The following HERC3 variants were observed in gnomAD, a reference collection of about 807,000 sequenced individuals.
HERC3 encodes probable E3 ubiquitin-protein ligase HERC3.
HERC3 carries 58 observed loss-of-function variants against 129.9 expected under a neutral mutation model. That is an observed-to-expected ratio of 0.45 (90% CI 0.36 to 0.56). The LOEUF (loss-of-function observed/expected upper bound fraction) is 0.56. HERC3 is among the 20% of genes least tolerant of loss of function. The pLI, the probability that HERC3 is intolerant of heterozygous loss-of-function variation, is 0.00. For missense variants in HERC3, 835 were observed against 1,244.2 expected (o/e 0.67, Z 4.95); for synonymous variants, 430 against 451.0 (o/e 0.95, Z 0.59).
intron 6 of HERC3, 118 bp downstream of exon 6, chr4:88,653,208 C>A: frequency 1.0e-6 from 1 of 974,988 alleles, no homozygotes; most frequent in Non-Finnish European, 1.6e-6. Context: ...AAGCAGTGAA[C>A]ACAATAGAGA....
chr4:88,704,564 G>A lies in HERC3; in HGVS notation c.2898G>A (p.Trp966Ter). ...SATHPTVKLFWETFHEFPLEK... is the reference protein window; with the variant it reads ...SATHPTVKLF The stretch of plus-strand genomic sequence containing the variant: ...CACATCCCACTGTAAAACTATTTTG[G>A]GAAACATTTCATGAGTTTCCATTGG... Residue 966 changes from tryptophan (W) to a stop codon, truncating the protein, a stop_gained, in exon 25 of 26, where the codon TGG (tryptophan) becomes TGA (stop). Coordinates refer to ENST00000402738, the MANE Select transcript of HERC3 (RefSeq NM_014606.3). LOFTEE classifies it high-confidence loss of function. 6.2e-7 allele frequency: 1 copy of A among 1,611,434 alleles called. No homozygotes were observed.
chr4:88,629,640 C>T (rs1172510551), intron 3 of HERC3, among the ~76,000 whole-genome samples: 1 of 152,136 alleles, frequency 6.6e-6, no homozygotes, highest in East Asian at 1.9e-4. Context: ...AAAGTTTGTA[C>T]TGATAGATAG....
At chr4:88,540,306 G>A in the HERC3 span, among the ~76,000 whole-genome samples, 1 of 152,130 alleles carries the variant, frequency 6.6e-6, no homozygotes, top group Non-Finnish European at 1.5e-5. Context: ...CACACAACAA[G>A]CTTCAATAGC....
chr4:88,619,455 C>T (rs558619038), intron 3 of HERC3, among the ~76,000 whole-genome samples: 29 of 152,248 alleles, frequency 1.9e-4, no homozygotes, highest in African/African-American at 6.5e-4. Context: ...AGACTCCCTA[C>T]CTCTCTCCAT....
the HERC3 span, among the ~76,000 whole-genome samples, chr4:88,541,473 A>G: frequency 1.2e-4 from 18 of 152,324 alleles, no homozygotes; most frequent in Middle Eastern, 3.4e-3. Flanking sequence ...AGAGACTTAG[A>G]CTCCCACACA....
chr4:88,690,104 T>C (rs1044115777), intron 23 of HERC3: 12 of 985,254 alleles, frequency 1.2e-5, no homozygotes, highest in Non-Finnish European at 1.4e-5. Context: ...AAACCTAATA[T>C]AGAGGCTAGT....
the HERC3 span, among the ~76,000 whole-genome samples, chr4:88,537,956 CCTT>C: frequency 7.9e-5 from 12 of 152,208 alleles, no homozygotes; most frequent in African/African-American, 2.9e-4. Flanking sequence ...TTGTCAAAAA[CCTT>C]CTGACAGGAA....
the HERC3 span, among the ~76,000 whole-genome samples, chr4:88,562,149 C>A: frequency 0.24 from 36,185 of 152,014 alleles, 8,143 homozygotes; most frequent in African/African-American, 0.59. Flanking sequence ...ACACCCTCAC[C>A]CCAGCATGTG....
rs746042059 is a variant in HERC3, at chr4:88,658,435, G to A, written c.1090G>A (p.Val364Ile). The change falls in exon 10 of 26, where the codon GTT becomes ATT. Residue 364 changes from valine (V) to isoleucine (I), a missense_variant. Physicochemically the swap from Val to Ile is conservative, Grantham distance 29. Transcript: ENST00000402738. ...ARADRFKYHI[V>I]KQIFSGGDQT... is the part of the protein sequence containing the mutation. ...GACAGATCGCTTTAAATATCATATC[G>A]TTAAGCAGATCTTCTCTGGAGGAGA... is the stretch of plus-strand genomic sequence containing the variant. 4 of 1,598,474 alleles carry A rather than the reference G, an allele frequency of 2.5e-6. No homozygotes were observed. The highest frequency in any genetic ancestry group is 2.2e-5 in the East Asian group (1 of 44,666).
At chr4:88,606,531 T>C (rs2149194485) in intron 3 of HERC3, among the ~76,000 whole-genome samples, 1 of 152,334 alleles carries the variant, frequency 6.6e-6, no homozygotes, top group South Asian at 2.1e-4. Flanking sequence ...TAGTCGGTTT[T>C]CACACTGCTG....
At chr4:88,676,488 T>A in intron 18 of HERC3, 65 bp downstream of exon 18, 1 of 1,124,894 alleles carries the variant, frequency 8.9e-7, no homozygotes, top group Non-Finnish European at 1.3e-6. Flanking sequence ...CATTCAGTTG[T>A]AATTTTTTCT....
Position 88,664,169 on chromosome 4 carries a change from T to G in HERC3, c.1288T>G (p.Leu430Val). 1.2e-6 allele frequency: 2 copies of G among 1,613,388 alleles called. No homozygotes were observed. The highest frequency in any genetic ancestry group is 1.7e-6 in the Non-Finnish European group (2 of 1,179,556). The stretch of plus-strand genomic sequence containing the variant: ...TTTGAGCAGTGGTGTTGTTCAGATA[T>G]TATCTTCTGCAGCCTGTTGGAATGG... The part of the protein sequence containing the change: ...ANTINGVVQI[L>V]SSAACWNGSF... The change falls in exon 12 of 26, where the codon TTA (leucine) becomes GTA (valine). Residue 430 changes from leucine (L) to valine (V), a missense_variant. Physicochemically the swap from Leu to Val is conservative, Grantham distance 32. Coordinates refer to ENST00000402738, the MANE Select transcript of HERC3 (RefSeq NM_014606.3).
At chr4:88,529,874 A>C in the HERC3 span, among the ~76,000 whole-genome samples, 3 of 152,216 alleles carry the variant, frequency 2.0e-5, no homozygotes, top group South Asian at 6.2e-4. Flanking sequence ...AAACATTACC[A>C]GTTCATAATT....
At chr4:88,643,459 G>A (rs1485570174) in intron 3 of HERC3, among the ~76,000 whole-genome samples, 1 of 152,176 alleles carries the variant, frequency 6.6e-6, no homozygotes, top group African/African-American at 2.4e-5. Context: ...TATGAATAAA[G>A]TTGAAGGAAT....
At chr4:88,702,212 TATG>T (rs1216279825) in intron 23 of HERC3, among the ~76,000 whole-genome samples, 1 of 152,192 alleles carries the variant, frequency 6.6e-6, no homozygotes, top group African/African-American at 2.4e-5. Context: ...CCATAAACAA[TATG>T]ATAATACTAG....
At position 88,704,186 on chromosome 4, in the gene HERC3, G is replaced by A. The variant is rs1401910646; in HGVS notation, c.2746G>A (p.Val916Met). 6.2e-7 allele frequency: 1 copy of A among 1,614,114 alleles called. No homozygotes were observed. The highest frequency in any genetic ancestry group is 2.2e-5 in the East Asian group (1 of 44,876). Residue 916 changes from valine (V) to methionine (M), a missense_variant, in exon 24 of 26, where the codon GTG becomes ATG. Val to Met is a conservative substitution (Grantham distance 21). Coordinates refer to ENST00000402738, the MANE Select transcript of HERC3 (RefSeq NM_014606.3). ...AGCCTTCTCTAGTGGCTTCCTAAAG[G>A]TGTGTGGTGGCAAAGTACTTGAGCT... is the stretch of plus-strand genomic sequence containing the variant. ...YTAFSSGFLK[V>M]CGGKVLELFQ... is the part of the protein sequence containing the mutation.
chr4:88,706,894 C>T lies in HERC3; in HGVS notation c.3087C>T (p.Ser1029=), dbSNP rs903919203. The change falls in exon 26 of 26, where the codon AGC becomes AGT. Residue 1029 remains serine (S), a synonymous_variant. Coordinates refer to ENST00000402738, the MANE Select transcript of HERC3 (RefSeq NM_014606.3). ...YNLLDLPKYS[S]KEILSARLTQ... is the part of the protein sequence containing the mutation. ...TTCTTGACCTCCCCAAGTACAGCAG[C>T]AAAGAGATTCTGAGTGCCCGGCTGA... 8 of 1,614,062 alleles carry T rather than the reference C, an allele frequency of 5.0e-6. No individual in the cohort carries two copies. The highest frequency in any genetic ancestry group is 5.9e-6 in the Non-Finnish European group (7 of 1,180,052).
intron 12 of HERC3, among the ~76,000 whole-genome samples, chr4:88,665,787 A>G (rs568626335): frequency 6.6e-6 from 1 of 152,294 alleles, no homozygotes; most frequent in East Asian, 1.9e-4. Flanking sequence ...ATTTACTTTT[A>G]TAATTAAGGC....
the HERC3 span, among the ~76,000 whole-genome samples, chr4:88,560,650 A>T: frequency 2.0e-5 from 3 of 152,174 alleles, no homozygotes; most frequent in African/African-American, 7.2e-5. Context: ...ATATCCAAAA[A>T]ATTATTGCCA....
Sources: allele counts gnomAD v4.1 joint callset (sites outside exome capture counted in the v4.1 genomes callset), GRCh38; gene constraint gnomAD v4.1.1; transcripts MANE v1.5; gene names NCBI Gene and HGNC (gene_info 2026-07-23, HGNC 2026-07-21).